The following ASRGL1 variants were observed in gnomAD, a reference collection of about 807,000 sequenced individuals.
ASRGL1 encodes isoaspartyl peptidase/L-asparaginase.
In ASRGL1, 16 loss-of-function variants were observed where a neutral mutation model predicts 22.4. The ratio of observed to expected loss-of-function variants is 0.71; its 90% CI spans 0.48 to 1.08. ASRGL1 has a LOEUF of 1.08. Ranked by LOEUF, ASRGL1 falls within the 50% of genes least tolerant of loss-of-function variation. The pLI is 0.00. For missense variants in ASRGL1, 412 were observed against 410.1 expected (o/e 1.00, Z -0.04); for synonymous variants, 165 against 159.3 (o/e 1.04, Z -0.27).
At chr11:62,391,718 G>C in intron 6 of ASRGL1, 86 bp downstream of exon 6, 42 of 1,409,028 alleles carry the variant, frequency 3.0e-5, no homozygotes, top group Non-Finnish European at 3.8e-5. Context: ...GAGAAGTGTA[G>C]GAAACCCTTT....
intron 4 of ASRGL1, among the ~76,000 whole-genome samples, chr11:62,358,868 G>A (rs1454642908): frequency 6.6e-6 from 1 of 152,210 alleles, no homozygotes; most frequent in African/African-American, 2.4e-5. Context: ...GGGAAGATTC[G>A]AACAGCAGAA....
chr11:62,357,285 T>C, intron 4 of ASRGL1, 141 bp downstream of exon 4: 2 of 827,852 alleles, frequency 2.4e-6, no homozygotes, highest in Non-Finnish European at 3.5e-6. Context: ...AGTCTCTCTC[T>C]GTTGCCCAGA....
intron 2 of ASRGL1, among the ~76,000 whole-genome samples, chr11:62,348,725 A>T (rs1192182713): frequency 1.3e-5 from 2 of 151,868 alleles, no homozygotes; most frequent in Admixed American, 6.6e-5. Context: ...AAAGAAATGT[A>T]AAAGGGTTAA....
intron 4 of ASRGL1, among the ~76,000 whole-genome samples, chr11:62,362,712 T>C (rs1425959715): frequency 3.8e-5 from 2 of 53,182 alleles, no homozygotes; most frequent in East Asian, 7.7e-4. Context: ...ATATAAAATA[T>C]ATTATATGTT....
chr11:62,379,096 A>G (rs1565171321), intron 4 of ASRGL1, among the ~76,000 whole-genome samples: 1 of 152,160 alleles, frequency 6.6e-6, no homozygotes, highest in Non-Finnish European at 1.5e-5. Flanking sequence ...TGAAGTAATC[A>G]TTGGTTGAAG....
At chr11:62,337,862 G>A (rs1404931311) in intron 1 of ASRGL1, 28 bp from the exon 2 acceptor site, 2 of 1,196,350 alleles carry the variant, frequency 1.7e-6, no homozygotes, top group East Asian at 2.6e-5. Flanking sequence ...CAGCCGTTCA[G>A]AACAGAGACT....
At chr11:62,360,722 C>A (rs529392672) in intron 4 of ASRGL1, among the ~76,000 whole-genome samples, 1 of 152,250 alleles carries the variant, frequency 6.6e-6, no homozygotes, top group Admixed American at 6.5e-5. Context: ...ACAGTTTGAA[C>A]AAGTCAGATG....
chr11:62,380,429 A>T (rs1245968600), intron 4 of ASRGL1, among the ~76,000 whole-genome samples: 5 of 152,094 alleles, frequency 3.3e-5, no homozygotes, highest in Admixed American at 6.5e-5. Flanking sequence ...TTTTTTTCCC[A>T]GGCCCTAAGG....
chr11:62,391,481 C>T, intron 5 of ASRGL1, 41 bp from the exon 6 acceptor site: 1 of 1,569,520 alleles, frequency 6.4e-7, no homozygotes, highest in East Asian at 2.3e-5. Flanking sequence ...ATTTGAATTT[C>T]TTGACTGTTA....
chr11:62,388,660 A>G (rs1325200929), intron 4 of ASRGL1, among the ~76,000 whole-genome samples: 2 of 132,762 alleles, frequency 1.5e-5, no homozygotes, highest in Non-Finnish European at 3.1e-5. Context: ...ACAAAGTGAG[A>G]CTTCATCTCA....
At chr11:62,361,149 G>A (rs189028668) in intron 4 of ASRGL1, among the ~76,000 whole-genome samples, 82 of 152,194 alleles carry the variant, frequency 5.4e-4, no homozygotes, top group African/African-American at 1.9e-3. Flanking sequence ...GAAATCATTT[G>A]TAAAAATTTT....
chr11:62,376,441 C>A (rs1946933321), intron 4 of ASRGL1, among the ~76,000 whole-genome samples: 1 of 151,812 alleles, frequency 6.6e-6, no homozygotes, highest in Admixed American at 6.6e-5. Context: ...ACAAGCAAAA[C>A]CTTTCCCCCA....
At chr11:62,344,696 G>A (rs964654227) in intron 2 of ASRGL1, among the ~76,000 whole-genome samples, 2 of 151,674 alleles carry the variant, frequency 1.3e-5, no homozygotes, top group African/African-American at 4.8e-5. Context: ...AGGGTAAATG[G>A]GATATTCATC....
chr11:62,367,848 A>G (rs573409912), intron 4 of ASRGL1, among the ~76,000 whole-genome samples: 1 of 152,226 alleles, frequency 6.6e-6, no homozygotes, highest in South Asian at 2.1e-4. Flanking sequence ...AGGCTGAGGC[A>G]GGAGAATAGC....
intron 4 of ASRGL1, among the ~76,000 whole-genome samples, chr11:62,373,955 C>T (rs1466539044): frequency 2.0e-5 from 3 of 152,220 alleles, no homozygotes; most frequent in Non-Finnish European, 2.9e-5. Flanking sequence ...TGGCTCCCTG[C>T]GGAGCCAGGG....
intron 2 of ASRGL1, among the ~76,000 whole-genome samples, chr11:62,347,308 A>G (rs1228909227): frequency 1.3e-5 from 2 of 152,206 alleles, no homozygotes; most frequent in Non-Finnish European, 2.9e-5. Context: ...TTCATGGCAT[A>G]GGCACAATTG....
chr11:62,363,109 A>G (rs1441057188), intron 4 of ASRGL1, among the ~76,000 whole-genome samples: 2 of 149,726 alleles, frequency 1.3e-5, no homozygotes, highest in African/African-American at 4.9e-5. Flanking sequence ...AATTTTTTGT[A>G]TTTTTAGTAG....
the ASRGL1 span, among the ~76,000 whole-genome samples, chr11:62,398,699 C>A: frequency 1.3e-3 from 205 of 152,354 alleles, no homozygotes; most frequent in African/African-American, 4.8e-3. Flanking sequence ...CATTGCAGGC[C>A]GGCATGTCTC....
Position 62,391,534 on chromosome 11 carries a change from A to T in ASRGL1, c.623A>T (p.Tyr208Phe). Residue 208 changes from tyrosine to phenylalanine, a missense_variant, in exon 6 of 7, where the codon TAT becomes TTT. By Grantham distance (22) the Tyr-to-Phe change is conservative. Coordinates refer to ENST00000415229, the MANE Select transcript of ASRGL1 (RefSeq NM_001083926.2). ...CCTTTTTGAGCAGGAGCTGGAGGTT[A>T]TGCCGACAATGACATCGGAGCCGTC... ...GDSPCLGAGG[Y>F]ADNDIGAVST... The T allele has an allele frequency of 6.2e-7, 1 of 1,611,612 alleles. No individual in the cohort carries two copies. Among genetic ancestry groups the T allele is most frequent in the South Asian group, 1.1e-5 (1 of 90,418 alleles).
Sources: gnomAD v4.1 joint callset for allele counts (sites outside exome capture counted in the v4.1 genomes callset) on GRCh38, gnomAD v4.1.1 for gene constraint, MANE v1.5 for transcripts, NCBI Gene and HGNC (gene_info 2026-07-23, HGNC 2026-07-21) for gene names.